Variants in USP34 observed in about 807,000 individuals in gnomAD.
The protein encoded by USP34 is ubiquitin specific peptidase 34.
USP34 carries 70 observed loss-of-function variants against 460.3 expected under a neutral mutation model. The observed-to-expected ratio is 0.15, with a 90% CI of 0.13 to 0.19. The LOEUF (loss-of-function observed/expected upper bound fraction) is 0.19, where lower values mean the gene tolerates loss of function less well. USP34 is among the 10% of genes least tolerant of loss of function. The pLI is 1.00. For synonymous variants in USP34, 1,647 were observed against 1,405.3 expected (o/e 1.17, Z -3.85); for missense variants, 3,985 against 4,236.2 (o/e 0.94, Z 1.65).
chr2:61,233,547 C>T (rs772605474), intron 57 of USP34, among the ~76,000 whole-genome samples: 3 of 151,942 alleles, frequency 2.0e-5, no homozygotes, highest in Non-Finnish European at 4.4e-5. Flanking sequence ...CACTTCTGGC[C>T]AGGTGTAATG....
rs1198188495 is a variant in USP34, at chr2:61,331,318, T to C, written c.2888A>G (p.Tyr963Cys). 1.9e-6 allele frequency: 3 copies of C among 1,612,622 alleles called. No individual in the cohort carries two copies. Among genetic ancestry groups the C allele is most frequent in the Non-Finnish European group, 2.5e-6 (3 of 1,179,208 alleles). The change falls in exon 20 of 80, where the codon TAC becomes TGC. Residue 963 changes from tyrosine (Y) to cysteine (C), a missense_variant. Around this residue, in one of 14 missense-constraint regions of USP34, gnomAD observed 1,114 missense variants for 1,122.5 expected, o/e 0.99. Coordinates refer to ENST00000398571, the MANE Select transcript of USP34 (RefSeq NM_014709.4). ...TCCTTCTCTCACAGTTTGAATGTAG[T>C]ATACCAAATTATCAAAGAAAAGCTT... ...MMKLFFDNLV[Y>C]YIQTVREGRQ...
At chr2:61,254,625 A>G (rs1216048354) in intron 48 of USP34, among the ~76,000 whole-genome samples, 1 of 152,230 alleles carries the variant, frequency 6.6e-6, no homozygotes, top group Non-Finnish European at 1.5e-5. Flanking sequence ...ATGTTTACTC[A>G]ACTACTCTGT....
chr2:61,439,401 G>C (rs1460296434), intron 1 of USP34, among the ~76,000 whole-genome samples: 1 of 152,106 alleles, frequency 6.6e-6, no homozygotes, highest in Non-Finnish European at 1.5e-5. Flanking sequence ...CCTCCACGAG[G>C]ATCTGCTTGC....
At chr2:61,257,715 T>C (rs1262901473) in intron 44 of USP34, among the ~76,000 whole-genome samples, 3 of 151,844 alleles carry the variant, frequency 2.0e-5, no homozygotes, top group Admixed American at 6.6e-5. Flanking sequence ...TGGCCATCCT[T>C]TACCAACATG....
At chr2:61,417,494 C>G (rs1162100033) in intron 2 of USP34, 2 of 225,690 alleles carry the variant, frequency 8.9e-6, no homozygotes, top group East Asian at 2.0e-4. Flanking sequence ...GTTAACTGTA[C>G]CTGAGAAATC....
At chr2:61,268,271 T>A (rs949570615) in intron 41 of USP34, among the ~76,000 whole-genome samples, 2 of 151,888 alleles carry the variant, frequency 1.3e-5, no homozygotes. Flanking sequence ...GGCTCACATC[T>A]GTAATCCCAT....
At chr2:61,313,585 G>A (rs1395219015) in intron 25 of USP34, among the ~76,000 whole-genome samples, 1 of 152,066 alleles carries the variant, frequency 6.6e-6, no homozygotes, top group Non-Finnish European at 1.5e-5. Flanking sequence ...ATTTGAATAA[G>A]TTACACCACA....
At chr2:61,417,191 G>C in intron 2 of USP34, 2 of 1,570,998 alleles carry the variant, frequency 1.3e-6, no homozygotes, top group South Asian at 1.1e-5. Context: ...ATGCCTGTTT[G>C]GACCCTACAC....
At chr2:61,339,776 G>C in intron 16 of USP34, 95 bp from the exon 17 acceptor site, 1 of 552,966 alleles carries the variant, frequency 1.8e-6, no homozygotes, top group East Asian at 3.4e-5. Context: ...AAAAGTACAC[G>C]ATATTTTTCT....
intron 1 of USP34, among the ~76,000 whole-genome samples, chr2:61,444,866 TCTTC>T (rs1379403974): frequency 1.3e-5 from 2 of 150,868 alleles, no homozygotes; most frequent in African/African-American, 4.9e-5. Context: ...CAGGGGAGCC[TCTTC>T]CTTCTGCCTT....
Position 61,296,938 on chromosome 2 carries a change from GAAC to G in USP34, c.4129-16_4129-14del. On this transcript the variant is annotated splice_polypyrimidine_tract_variant and intron_variant, in intron 29 of 79. Coordinates refer to ENST00000398571, the MANE Select transcript of USP34 (RefSeq NM_014709.4). ...CACATCGTAAGCTCTACACAAATAA[GAAC>G]AACTACTTTATCAAAACAGATCAGA... is the stretch of plus-strand genomic sequence containing the variant. 3.1e-6 allele frequency: 5 copies of G among 1,601,338 alleles called. No homozygotes were observed. Among genetic ancestry groups the G allele is most frequent in the Non-Finnish European group, 3.4e-6 (4 of 1,176,358 alleles).
chr2:61,328,665 G>A (rs1314536102), intron 20 of USP34, among the ~76,000 whole-genome samples: 2 of 152,186 alleles, frequency 1.3e-5, no homozygotes, highest in African/African-American at 4.8e-5. Flanking sequence ...TCTCCAAGGA[G>A]CCCTACTCCT....
At chr2:61,400,882 T>C (rs10200055) in intron 3 of USP34, among the ~76,000 whole-genome samples, 1 of 151,820 alleles carries the variant, frequency 6.6e-6, no homozygotes, top group East Asian at 1.9e-4. Context: ...CCAGGTGCGG[T>C]AGCTTACGCC....
chr2:61,205,452 T>G (rs1177611143), intron 72 of USP34, among the ~76,000 whole-genome samples: 2 of 152,184 alleles, frequency 1.3e-5, no homozygotes, highest in Admixed American at 6.5e-5. Context: ...GACAGCCAGT[T>G]AGTTATCCAT....
chr2:61,332,632 T>C (rs1212507173), intron 19 of USP34, among the ~76,000 whole-genome samples: 2 of 152,000 alleles, frequency 1.3e-5, no homozygotes, highest in African/African-American at 4.8e-5. Context: ...ATTAGAATTT[T>C]GAAATTCAGC....
intron 2 of USP34, among the ~76,000 whole-genome samples, chr2:61,406,850 C>T (rs1382749761): frequency 7.0e-6 from 1 of 142,060 alleles, no homozygotes. Flanking sequence ...ACTAAAAATG[C>T]AAAAAAAAAA....
chr2:61,378,489 A>ATAC, intron 7 of USP34, 65 bp from the exon 8 acceptor site: 1 of 1,010,902 alleles, frequency 9.9e-7, no homozygotes, highest in Non-Finnish European at 1.5e-6. Flanking sequence ...TTGTCAGCAA[A>ATAC]TACTAACATG....
intron 10 of USP34, among the ~76,000 whole-genome samples, chr2:61,362,138 T>C (rs1010035344): frequency 6.6e-6 from 1 of 152,172 alleles, no homozygotes. Flanking sequence ...TAACAACTAT[T>C]ATCAAAAAGA....
chr2:61,389,367 T>C (rs1572994158), intron 5 of USP34, among the ~76,000 whole-genome samples: 1 of 152,192 alleles, frequency 6.6e-6, no homozygotes, highest in East Asian at 1.9e-4. Flanking sequence ...TAACAGAAGG[T>C]TAAAAATCCT....
Sources: gnomAD v4.1 joint callset for allele counts (sites outside exome capture counted in the v4.1 genomes callset) on GRCh38, gnomAD v4.1.1 for gene constraint, gnomAD v4.1.1 regional missense constraint, MANE v1.5 for transcripts, NCBI Gene and HGNC (gene_info 2026-07-23, HGNC 2026-07-21) for gene names.